Variants in ADGRL2 observed in about 807,000 individuals in gnomAD.
The protein encoded by ADGRL2 is calcium-independent alpha-latrotoxin receptor 2.
In ADGRL2, 44 loss-of-function variants were observed where a neutral mutation model predicts 157.4. The ratio of observed to expected loss-of-function variants is 0.28; its 90% CI spans 0.22 to 0.36. The LOEUF is 0.36. Ranked by LOEUF, ADGRL2 falls within the 10% of genes least tolerant of loss-of-function variation. The pLI is 1.00. For missense variants in ADGRL2, 1,510 were observed against 1,768.9 expected (o/e 0.85, Z 2.63); for synonymous variants, 585 against 624.7 (o/e 0.94, Z 0.95).
At chr1:81,429,979 C>T (rs150629753) in intron 1 of ADGRL2, among the ~76,000 whole-genome samples, 49 of 152,258 alleles carry the variant, frequency 3.2e-4, no homozygotes, top group African/African-American at 8.4e-4. Flanking sequence ...CCGCAACCTC[C>T]GCCTCCTGGG....
intron 17 of ADGRL2, among the ~76,000 whole-genome samples, chr1:81,977,129 T>A (rs1467182319): frequency 2.6e-5 from 4 of 151,856 alleles, no homozygotes; most frequent in African/African-American, 7.2e-5. Context: ...ATCTAAGTAA[T>A]CTTTGGAAGG....
chr1:81,910,178 T>G (rs1442289540), intron 3 of ADGRL2, among the ~76,000 whole-genome samples: 2 of 151,494 alleles, frequency 1.3e-5, no homozygotes, highest in Non-Finnish European at 2.9e-5. Context: ...AGACGGAGGT[T>G]GCAGTGGCCA....
Position 81,635,540 on chromosome 1 carries a change from C to T in ADGRL2, c.-143+54560C>T, listed in dbSNP as rs185776905. Among the ~76,000 whole-genome samples, 277 of 152,272 alleles carry T rather than the reference C, an allele frequency of 1.8e-3. 3 individuals are homozygous for T. The highest frequency in any genetic ancestry group is 3.4e-3 in the Non-Finnish European group (231 of 68,026). ...TGAAGGCTGGGAAGTCAAGGGTCAA[C>T]GTGCAGACAGACTTGGTGTCTCGTG... On this transcript the variant is annotated intron_variant, in intron 3 of 24. Transcript: ENST00000370721.
chr1:81,958,906 A>G (rs1279787863), intron 11 of ADGRL2, among the ~76,000 whole-genome samples: 7 of 152,140 alleles, frequency 4.6e-5, no homozygotes, highest in Admixed American at 3.3e-4. Flanking sequence ...ACTCCTTTTG[A>G]TCTTGCTGCT....
intron 1 of ADGRL2, among the ~76,000 whole-genome samples, chr1:81,749,036 T>C (rs946603037): frequency 6.6e-6 from 1 of 152,150 alleles, no homozygotes; most frequent in African/African-American, 2.4e-5. Flanking sequence ...ACAATGAAAA[T>C]ATTTTTTAAA....
chr1:81,595,352 T>C (rs17455798), intron 3 of ADGRL2, among the ~76,000 whole-genome samples: 1,968 of 152,308 alleles, frequency 0.013, 12 homozygotes, highest in Middle Eastern at 0.024. Context: ...AGTAATAACA[T>C]TTAGAGAATT....
At chr1:81,690,317 A>G (rs964563646) in intron 3 of ADGRL2, among the ~76,000 whole-genome samples, 4 of 152,080 alleles carry the variant, frequency 2.6e-5, no homozygotes, top group Non-Finnish European at 5.9e-5. Context: ...ACATGGCGAA[A>G]CCCCATCTCT....
intron 2 of ADGRL2, among the ~76,000 whole-genome samples, chr1:81,858,073 G>C (rs1045386767): frequency 2.0e-5 from 3 of 152,126 alleles, no homozygotes; most frequent in African/African-American, 7.2e-5. Flanking sequence ...ATTTGGACCA[G>C]TGGAGATAAG....
At chr1:81,442,583 G>A (rs1557692410) in intron 1 of ADGRL2, among the ~76,000 whole-genome samples, 2 of 152,272 alleles carry the variant, frequency 1.3e-5, no homozygotes, top group Admixed American at 6.5e-5. Flanking sequence ...AGTCTATGTA[G>A]GAAATTTTCC....
At chr1:81,458,166 A>G (rs2077844960) in intron 2 of ADGRL2, among the ~76,000 whole-genome samples, 1 of 152,224 alleles carries the variant, frequency 6.6e-6, no homozygotes, top group South Asian at 2.1e-4. Context: ...TTTGGCAAAT[A>G]GACCTGAAAA....
In ADGRL2 at chr1:81,943,482, C is replaced by T. The variant is rs914811534; in HGVS notation, c.923C>T (p.Thr308Ile). The T allele has an allele frequency of 6.2e-7, 1 of 1,613,780 alleles. No individual in the cohort carries two copies. Among genetic ancestry groups the T allele is most frequent in the Non-Finnish European group, 8.5e-7 (1 of 1,179,792 alleles). Residue 308 changes from threonine to isoleucine, a missense_variant, in exon 6 of 24, where the codon ACT becomes ATT. This residue lies in a region of ADGRL2 where 361 missense variants were observed against 498.4 expected (regional missense o/e 0.72). Transcript: ENST00000686636. This position sits in a 1 kb window ranked among gnomAD's most constrained non-coding sequence, Gnocchi z 5.6. Reference sequence around the variant, plus strand: ...CTTCGATTTGAAGCAACGTGGGAGACTGTATACGACAAACGTGCCGCATCA... The same window carrying T: ...CTTCGATTTGAAGCAACGTGGGAGATTGTATACGACAAACGTGCCGCATCA... ...YTLRFEATWE[T>I]VYDKRAASNA...
intron 2 of ADGRL2, among the ~76,000 whole-genome samples, chr1:81,874,746 C>G (rs1180221575): frequency 6.6e-6 from 1 of 151,646 alleles, no homozygotes; most frequent in Non-Finnish European, 1.5e-5. Flanking sequence ...TGCTCTGTAC[C>G]CCAGGCTAGA....
chr1:81,421,965 A>G (rs1213197055), intron 1 of ADGRL2, among the ~76,000 whole-genome samples: 1 of 152,176 alleles, frequency 6.6e-6, no homozygotes, highest in African/African-American at 2.4e-5. Flanking sequence ...TACCATTGAA[A>G]GAGGATATAT....
chr1:81,846,315 A>G (rs2092785997), intron 2 of ADGRL2, among the ~76,000 whole-genome samples: 1 of 149,210 alleles, frequency 6.7e-6, no homozygotes, highest in Non-Finnish European at 1.5e-5. Context: ...TTCTCTCCTT[A>G]AATGATTTTT....
chr1:81,944,829 T>C (rs935413315), intron 6 of ADGRL2, among the ~76,000 whole-genome samples: 9 of 152,054 alleles, frequency 5.9e-5, no homozygotes, highest in African/African-American at 1.7e-4. Flanking sequence ...AACAAACACA[T>C]ACCCATACAT....
intron 1 of ADGRL2, among the ~76,000 whole-genome samples, chr1:81,349,402 C>T (rs1030910604): frequency 4.6e-5 from 7 of 152,048 alleles, no homozygotes; most frequent in African/African-American, 9.7e-5. Context: ...GTTTTCATTT[C>T]GTTTTAACCT....
intron 3 of ADGRL2, among the ~76,000 whole-genome samples, chr1:81,585,620 A>C (rs778243819): frequency 7.2e-5 from 11 of 152,066 alleles, no homozygotes; most frequent in Non-Finnish European, 1.5e-4. Flanking sequence ...ATTTTGTTTA[A>C]CTTGATGTAA....
chr1:81,952,112 A>T lies in ADGRL2; in HGVS notation c.1764A>T (p.Glu588Asp). The T allele has an allele frequency of 6.2e-7, 1 of 1,612,782 alleles. No individual in the cohort carries two copies. ...AGCTGCAGGAACTGAAACCTAGTGA[A>T]AAAGATTCAGCTGGACGGAGTTATA... The part of the protein sequence containing the change: ...DAQLQELKPS[E>D]KDSAGRSYNK... The change falls in exon 9 of 24, where the codon GAA (glutamate) becomes GAT (aspartate). Residue 588 changes from glutamate to aspartate, a missense_variant. Glu to Asp is a conservative substitution (Grantham distance 45, BLOSUM62 2). Coordinates refer to ENST00000686636, the MANE Select transcript of ADGRL2 (RefSeq NM_001366006.2).
chr1:81,487,155 C>T (rs1250374574), intron 2 of ADGRL2, among the ~76,000 whole-genome samples: 1 of 151,198 alleles, frequency 6.6e-6, no homozygotes, highest in African/African-American at 2.4e-5. Flanking sequence ...GTGGTCCCAC[C>T]TCCTTTGGAG....
Sources: allele counts gnomAD v4.1 joint callset (sites outside exome capture counted in the v4.1 genomes callset), GRCh38; gene constraint gnomAD v4.1.1; regional missense constraint gnomAD v4.1.1; non-coding constraint Gnocchi (gnomAD v3.1); transcripts MANE v1.5; gene names NCBI Gene and HGNC (gene_info 2026-07-23, HGNC 2026-07-21).